EPB41L4A: variants seen among roughly 807,000 people sequenced by gnomAD.
The protein encoded by EPB41L4A is band 4.1-like protein 4A.
Under a neutral mutation model 108.6 loss-of-function variants are expected in EPB41L4A, and 100 were observed. The observed-to-expected ratio is 0.92, with a 90% CI of 0.78 to 1.09. The LOEUF is 1.09. EPB41L4A is among the 50% of genes least tolerant of loss of function. EPB41L4A has a pLI of 0.00. For synonymous variants in EPB41L4A, 319 were observed against 289.0 expected (o/e 1.10, Z -1.05); for missense variants, 1,030 against 842.7 (o/e 1.22, Z -2.75).
At chr5:112,234,247 AGGCATGG>A (rs1300664518) in intron 12 of EPB41L4A, among the ~76,000 whole-genome samples, 1 of 151,268 alleles carries the variant, frequency 6.6e-6, no homozygotes, top group Non-Finnish European at 1.5e-5. Flanking sequence ...TAAAATAACC[AGGCATGG>A]TAGTATGTGC....
chr5:112,342,684 T>A (rs575118556), intron 1 of EPB41L4A, among the ~76,000 whole-genome samples: 1 of 152,136 alleles, frequency 6.6e-6, no homozygotes, highest in African/African-American at 2.4e-5. Context: ...GTTGAAGAAG[T>A]AAGCAGATCA....
chr5:112,356,584 C>A (rs1758373106), intron 1 of EPB41L4A, among the ~76,000 whole-genome samples: 1 of 152,152 alleles, frequency 6.6e-6, no homozygotes, highest in African/African-American at 2.4e-5. Flanking sequence ...TTCAAAAGAT[C>A]AAAAATACAC....
intron 18 of EPB41L4A, chr5:112,175,383 C>G (rs1320074338): frequency 6.6e-6 from 1 of 152,182 alleles, no homozygotes; most frequent in East Asian, 1.9e-4. Context: ...AATGTTTTAA[C>G]AGAGATCTAA....
At chr5:112,224,125 T>G (rs567829730) in intron 12 of EPB41L4A, among the ~76,000 whole-genome samples, 16 of 152,262 alleles carry the variant, frequency 1.1e-4, no homozygotes, top group African/African-American at 3.9e-4. Context: ...CTAATTTTTG[T>G]ATTTTTAGTA....
intron 9 of EPB41L4A, among the ~76,000 whole-genome samples, chr5:112,242,070 G>C (rs975052433): frequency 7.2e-5 from 11 of 152,308 alleles, no homozygotes; most frequent in African/African-American, 2.6e-4. Flanking sequence ...TGACTGACCA[G>C]GGTGGTAGTT....
intron 1 of EPB41L4A, among the ~76,000 whole-genome samples, chr5:112,383,715 C>T (rs1382036053): frequency 6.6e-6 from 1 of 151,748 alleles, no homozygotes; most frequent in Non-Finnish European, 1.5e-5. Context: ...ACTTTTGGTA[C>T]ACTAACAGAC....
At chr5:112,327,384 C>T (rs567458732) in intron 1 of EPB41L4A, among the ~76,000 whole-genome samples, 37 of 152,110 alleles carry the variant, frequency 2.4e-4, no homozygotes, top group Non-Finnish European at 4.1e-4. Flanking sequence ...ACTACCTGTA[C>T]CTACTCAGTA....
At chr5:112,149,564 G>T (rs1424125758) in intron 12 of EPB41L4A, among the ~76,000 whole-genome samples, 1 of 152,150 alleles carries the variant, frequency 6.6e-6, no homozygotes, top group Admixed American at 6.5e-5. Flanking sequence ...AGTTGAAAAA[G>T]CAGGATTAGT....
chr5:112,221,569 C>T (rs1001493651), intron 12 of EPB41L4A, among the ~76,000 whole-genome samples: 1 of 152,100 alleles, frequency 6.6e-6, no homozygotes, highest in African/African-American at 2.4e-5. Context: ...GCCTTTAGCA[C>T]TGTGTTTGGA....
intron 18 of EPB41L4A, among the ~76,000 whole-genome samples, chr5:112,183,729 G>A (rs1034049453): frequency 9.9e-5 from 15 of 152,206 alleles, no homozygotes; most frequent in Non-Finnish European, 2.1e-4. Context: ...CTACAACAAA[G>A]AAGACTATTC....
intron 12 of EPB41L4A, among the ~76,000 whole-genome samples, chr5:112,214,495 G>A (rs867423934): frequency 7.3e-5 from 11 of 151,262 alleles, no homozygotes; most frequent in East Asian, 2.0e-4. Context: ...CGGGCGCGGC[G>A]GCTCACGCCT....
At chr5:112,201,419 G>T (rs1211964225) in intron 15 of EPB41L4A, among the ~76,000 whole-genome samples, 3 of 152,110 alleles carry the variant, frequency 2.0e-5, no homozygotes, top group Admixed American at 2.0e-4. Flanking sequence ...GTCTGGATTT[G>T]GGAGTGTATA....
intron 10 of EPB41L4A, among the ~76,000 whole-genome samples, chr5:112,240,438 G>A (rs1335774527): frequency 9.2e-5 from 14 of 152,272 alleles, no homozygotes; most frequent in African/African-American, 3.4e-4. Context: ...GCTAGCAATG[G>A]CTGCATGTTT....
chr5:112,286,359 G>A (rs1753279250), intron 2 of EPB41L4A, among the ~76,000 whole-genome samples: 1 of 152,116 alleles, frequency 6.6e-6, no homozygotes, highest in Non-Finnish European at 1.5e-5. Flanking sequence ...AACCATAGGT[G>A]GGCTTGCTTT....
chr5:112,255,417 T>C (rs913843662), intron 9 of EPB41L4A, among the ~76,000 whole-genome samples: 46 of 152,294 alleles, frequency 3.0e-4, no homozygotes, highest in African/African-American at 1.1e-3. Context: ...CTCTCTAGGG[T>C]ACACATACTT....
At chr5:112,172,511 C>CAA (rs144426305) in intron 18 of EPB41L4A, among the ~76,000 whole-genome samples, 5,881 of 99,464 alleles carry the variant, frequency 0.059, 420 homozygotes, top group African/African-American at 0.19. Context: ...GACCCTGTGC[C>CAA]AAAAAAAAAA....
At position 112,385,507 on chromosome 5, in the gene EPB41L4A, CAAAAAA is replaced by C. The variant is rs201988960; in HGVS notation, c.99+33428_99+33433del. Among the ~76,000 whole-genome samples, 4 of 75,544 alleles carry C rather than the reference CAAAAAA, an allele frequency of 5.3e-5. No individual in the cohort carries two copies. The East Asian group carries it at 1.2e-3, about 23-fold the overall frequency. The allele number at this position is 75,544 out of a possible 152,430, so 49.6% of individuals were successfully genotyped here. Reference sequence around the variant, plus strand: ...TGCCAGCCTTCATACTGGTTATTTTCAAAAAAAAAAAAAAAAAAAAGTAAATCCCAT... The same window carrying C: ...TGCCAGCCTTCATACTGGTTATTTTCAAAAAAAAAAAAAAGTAAATCCCAT... On this transcript the variant is annotated intron_variant, in intron 1 of 22. Coordinates refer to ENST00000261486, the MANE Select transcript of EPB41L4A (RefSeq NM_022140.5).
chr5:112,365,715 A>G (rs1416082528), intron 1 of EPB41L4A, among the ~76,000 whole-genome samples: 1 of 152,186 alleles, frequency 6.6e-6, no homozygotes, highest in Non-Finnish European at 1.5e-5. Context: ...AGGGTATCAT[A>G]TTACATTTCA....
chr5:112,171,071 A>G (rs1580360955), intron 18 of EPB41L4A, 79 bp from the exon 19 acceptor site: 1 of 1,272,184 alleles, frequency 7.9e-7, no homozygotes, highest in African/African-American at 1.5e-5. Context: ...AATAGTTTTC[A>G]GACTGTGAAG....
Sources: gnomAD v4.1 joint callset for allele counts (sites outside exome capture counted in the v4.1 genomes callset) on GRCh38, gnomAD v4.1.1 for gene constraint, MANE v1.5 for transcripts, NCBI Gene and HGNC (gene_info 2026-07-23, HGNC 2026-07-21) for gene names.